The following AKR1C3 variants were observed in gnomAD, a reference collection of about 807,000 sequenced individuals.
The protein encoded by AKR1C3 is 3-alpha hydroxysteroid dehydrogenase, type II.
A neutral mutation model predicts 43.6 loss-of-function variants in AKR1C3; 48 were observed. The ratio of observed to expected loss-of-function variants is 1.10; its 90% CI spans 0.87 to 1.40. The LOEUF is 1.40. Ranked by LOEUF, AKR1C3 falls within the 40% of genes most tolerant of loss-of-function variation. The probability of loss-of-function intolerance (pLI) is 0.00; values close to 1 mark genes in which losing one functional copy is unlikely to be tolerated. For synonymous variants in AKR1C3, 162 were observed against 139.6 expected, an observed-to-expected ratio of 1.16 and a Z score of -1.13; for missense variants, 482 against 391.2, an observed-to-expected ratio of 1.23 and a Z score of -1.96.
intron 1 of AKR1C3, among the ~76,000 whole-genome samples, chr10:5,079,699 C>T (rs1220466651): frequency 2.0e-5 from 3 of 152,084 alleles, no homozygotes; most frequent in African/African-American, 7.2e-5. Context: ...CTCTCTCTCC[C>T]CCATTACCTG....
chr10:5,073,566 A>G (rs1484338270), intron 1 of AKR1C3, among the ~76,000 whole-genome samples: 3 of 152,168 alleles, frequency 2.0e-5, no homozygotes, highest in Non-Finnish European at 4.4e-5. Context: ...TCTTACCCAC[A>G]TGACTCAGCG....
intron 7 of AKR1C3, among the ~76,000 whole-genome samples, chr10:5,104,826 C>G (rs587705103): frequency 6.6e-6 from 1 of 152,106 alleles, no homozygotes; most frequent in South Asian, 2.1e-4. Context: ...TTATTAGAAC[C>G]TCTTGATAAC....
chr10:5,087,842 A>G (rs2131826579), intron 1 of AKR1C3, among the ~76,000 whole-genome samples: 1 of 151,284 alleles, frequency 6.6e-6, no homozygotes, highest in East Asian at 1.9e-4. Context: ...TGGTGTGACC[A>G]TTCTTATTTC....
chr10:5,104,474 AC>A (rs1192260003), intron 7 of AKR1C3, among the ~76,000 whole-genome samples: 95 of 152,254 alleles, frequency 6.2e-4, no homozygotes, highest in Middle Eastern at 3.4e-3. Context: ...ACTTTTCTGT[AC>A]TGTCTAAATA....
chr10:5,085,187 A>G (rs1448922368), intron 1 of AKR1C3, among the ~76,000 whole-genome samples: 1 of 152,042 alleles, frequency 6.6e-6, no homozygotes, highest in South Asian at 2.1e-4. Flanking sequence ...GTTTTTGCCC[A>G]TTCAGTATGA....
intron 1 of AKR1C3, among the ~76,000 whole-genome samples, chr10:5,060,104 C>A (rs1554780064): frequency 6.6e-6 from 1 of 152,082 alleles, no homozygotes; most frequent in Non-Finnish European, 1.5e-5. Context: ...GGTTCGTGGT[C>A]TTGCTGGCTT....
chr10:5,096,480 C>T lies in AKR1C3; in HGVS notation c.155C>T (p.Ala52Val). The T allele has an allele frequency of 6.2e-7, 1 of 1,613,828 alleles. No individual in the cohort carries two copies. Among genetic ancestry groups the T allele is most frequent in the South Asian group, 1.1e-5 (1 of 91,058 alleles). The change falls in exon 2 of 9, where the codon GCT becomes GTT. Residue 52 changes from alanine to valine, a missense_variant. Transcript: ENST00000380554. Reference protein sequence around the residue: ...IEAGFRHIDSAHLYNNEEQVG... With the variant: ...IEAGFRHIDSVHLYNNEEQVG... ...GCTGGGTTCCGCCATATAGATTCTG[C>T]TCATTTATACAATAATGAGGAGCAG...
Position 5,063,764 on chromosome 10 carries a change from G to GAAAAAAAAAAAAAA in AKR1C3, c.84+14869_84+14870insAAAAAAAAAAAAAA, listed in dbSNP as rs1406943359. Among the ~76,000 whole-genome samples the GAAAAAAAAAAAAAA allele has an allele frequency of 8.7e-4, 29 of 33,426 alleles. 1 individual carries two copies. Among genetic ancestry groups the GAAAAAAAAAAAAAA allele is most frequent in the Non-Finnish European group, 1.1e-3 (21 of 18,688 alleles). The allele number at this position is 33,426 out of a possible 152,430, so 21.9% of individuals were successfully genotyped here. A position where few individuals can be genotyped will look rare whatever the true frequency, so the allele number is the denominator to read the frequency against. ...GAGGACAGAGGTAGTCTCTGTCTCA[G>GAAAAAAAAAAAAAA]CAAAAAAAAAAAAAAAAAAAAAAAA... On this transcript the variant is annotated intron_variant, in intron 1 of 8. Coordinates refer to the AKR1C3 transcript ENST00000439082.
chr10:5,102,257 A>C, intron 6 of AKR1C3, 47 bp downstream of exon 6: 1 of 1,592,812 alleles, frequency 6.3e-7, no homozygotes, highest in Non-Finnish European at 8.6e-7. Flanking sequence ...TTTTGCAGAA[A>C]ATTTTTTAGT....
chr10:5,067,096 TTTC>T (rs1213578769), intron 1 of AKR1C3, among the ~76,000 whole-genome samples: 2 of 152,218 alleles, frequency 1.3e-5, no homozygotes, highest in East Asian at 1.9e-4. Flanking sequence ...ACCATTAAAG[TTTC>T]TTAAGTACAT....
chr10:5,079,682 C>G (rs782177200), intron 1 of AKR1C3, among the ~76,000 whole-genome samples: 10 of 152,076 alleles, frequency 6.6e-5, no homozygotes, highest in Admixed American at 1.3e-4. Flanking sequence ...GCTCACCAAG[C>G]ATACCTCTCT....
chr10:5,077,004 T>G (rs1174956889), intron 1 of AKR1C3, among the ~76,000 whole-genome samples: 3 of 152,222 alleles, frequency 2.0e-5, no homozygotes, highest in Non-Finnish European at 4.4e-5. Flanking sequence ...AGCACCTCAT[T>G]GGGATTATTG....
intron 5 of AKR1C3, chr10:5,099,880 G>A (rs554188260): frequency 6.2e-6 from 1 of 162,432 alleles, no homozygotes; most frequent in Admixed American, 5.8e-5. Flanking sequence ...AGAGGTGCTA[G>A]GGGTTTACAT....
chr10:5,105,765 G>C lies in AKR1C3; in HGVS notation c.929+88G>C, dbSNP rs587619357. ...TTGAGAGTGACCTCCATACCAGAGG[G>C]ACAGAGGCCAATGTGAGTCAGAGGT... On this transcript the variant is annotated intron_variant, in intron 8 of 8. Coordinates refer to ENST00000380554, the MANE Select transcript of AKR1C3 (RefSeq NM_003739.6). 16 of 984,566 alleles carry C rather than the reference G, an allele frequency of 1.6e-5. No homozygotes were observed. In the South Asian group the frequency reaches 2.0e-4, roughly 12 times the overall value. The allele number at this position is 984,566 out of a possible 1,614,324, so 61.0% of individuals were successfully genotyped here.
intron 1 of AKR1C3, among the ~76,000 whole-genome samples, chr10:5,052,920 G>A (rs1317412967): frequency 6.6e-6 from 1 of 151,892 alleles, no homozygotes; most frequent in Non-Finnish European, 1.5e-5. Context: ...TAGACATAAA[G>A]GTTCTCCAAG....
At chr10:5,105,016 T>G (rs11252949) in intron 7 of AKR1C3, among the ~76,000 whole-genome samples, 39,542 of 151,606 alleles carry the variant, frequency 0.26, 5,357 homozygotes, top group Middle Eastern at 0.37. Flanking sequence ...ATTCCATGTG[T>G]TAGCAATTAG....
chr10:5,093,207 C>G (rs1839133767), upstream of AKR1C3, among the ~76,000 whole-genome samples: 1 of 152,082 alleles, frequency 6.6e-6, no homozygotes, highest in African/African-American at 2.4e-5. Flanking sequence ...TTCTACTCAG[C>G]ACCCCCATAA....
chr10:5,096,332 T>C, intron 1 of AKR1C3, 78 bp from the exon 2 acceptor site: 4 of 1,515,888 alleles, frequency 2.6e-6, no homozygotes, highest in Non-Finnish European at 2.7e-6. Flanking sequence ...CTGATTCTTG[T>C]ATAAAAGTCA....
At chr10:5,055,935 T>C (rs982660201) in intron 1 of AKR1C3, among the ~76,000 whole-genome samples, 1 of 152,174 alleles carries the variant, frequency 6.6e-6, no homozygotes, top group Admixed American at 6.5e-5. Flanking sequence ...GATAAGCCAG[T>C]ATAGGCTGTA....
Sources: allele counts gnomAD v4.1 joint callset (sites outside exome capture counted in the v4.1 genomes callset), GRCh38; gene constraint gnomAD v4.1.1; transcripts MANE v1.5; gene names NCBI Gene and HGNC (gene_info 2026-07-23, HGNC 2026-07-21).